ENTREP2: variants seen among roughly 807,000 people sequenced by gnomAD.
ENTREP2 encodes endosomal transmembrane epsin interactor 2.
At chr15:29,392,058 G>A in the ENTREP2 span, among the ~76,000 whole-genome samples, 1 of 152,062 alleles carries the variant, frequency 6.6e-6, no homozygotes, top group African/African-American at 2.4e-5. Flanking sequence ...TCGATCTCCT[G>A]ACCTCGTGAT....
the ENTREP2 span, among the ~76,000 whole-genome samples, chr15:29,185,352 C>T: frequency 1.3e-5 from 2 of 152,148 alleles, no homozygotes; most frequent in South Asian, 2.1e-4. Context: ...CCTATCTTTC[C>T]TGCCTTTGCT....
the ENTREP2 span, chr15:29,136,358 G>A: frequency 1.3e-6 from 2 of 1,496,628 alleles, no homozygotes; most frequent in Admixed American, 2.5e-5. Flanking sequence ...TGGGGCCCCA[G>A]GCCTCACCTG....
chr15:29,589,547 T>C, the ENTREP2 span, among the ~76,000 whole-genome samples: 117 of 152,260 alleles, frequency 7.7e-4, no homozygotes, highest in Admixed American at 6.5e-3. Flanking sequence ...TTCCAGATGG[T>C]GCTTGACAAG....
At chr15:29,586,907 T>C in the ENTREP2 span, among the ~76,000 whole-genome samples, 2 of 152,194 alleles carry the variant, frequency 1.3e-5, no homozygotes, top group African/African-American at 2.4e-5. Flanking sequence ...CAATTGATTC[T>C]GGTAGTATTA....
At chr15:29,145,313 C>T in the ENTREP2 span, among the ~76,000 whole-genome samples, 1 of 152,124 alleles carries the variant, frequency 6.6e-6, no homozygotes, top group African/African-American at 2.4e-5. Context: ...CAAAATCCAA[C>T]TTTCTTTTTG....
chr15:29,130,550 T>TA, the ENTREP2 span, among the ~76,000 whole-genome samples: 3 of 152,150 alleles, frequency 2.0e-5, no homozygotes, highest in Admixed American at 2.0e-4. Context: ...CTTCTGGTAA[T>TA]AAAGAAATAT....
At chr15:29,400,386 T>G in the ENTREP2 span, among the ~76,000 whole-genome samples, 1 of 152,176 alleles carries the variant, frequency 6.6e-6, no homozygotes, top group Non-Finnish European at 1.5e-5. Context: ...CTTAAACATC[T>G]ACTGGGGAAC....
At chr15:29,326,818 TA>T in the ENTREP2 span, among the ~76,000 whole-genome samples, 1 of 151,836 alleles carries the variant, frequency 6.6e-6, no homozygotes, top group Non-Finnish European at 1.5e-5. Flanking sequence ...AGATTTACAA[TA>T]AAAATAGTAT....
the ENTREP2 span, among the ~76,000 whole-genome samples, chr15:29,648,951 C>T: frequency 3.3e-5 from 5 of 150,000 alleles, no homozygotes; most frequent in South Asian, 1.1e-3. Flanking sequence ...AAAAAAACAA[C>T]AACAAAAAAA....
the ENTREP2 span, among the ~76,000 whole-genome samples, chr15:29,602,012 C>T: frequency 6.6e-6 from 1 of 152,228 alleles, no homozygotes; most frequent in Non-Finnish European, 1.5e-5. Flanking sequence ...CAATGACTCA[C>T]AGTTAATATG....
the ENTREP2 span, among the ~76,000 whole-genome samples, chr15:29,622,979 C>A: frequency 1.3e-5 from 2 of 152,172 alleles, no homozygotes; most frequent in African/African-American, 2.4e-5. Flanking sequence ...AACACTTCCA[C>A]CCCAAACATC....
the ENTREP2 span, among the ~76,000 whole-genome samples, chr15:29,348,976 A>G: frequency 2.0e-4 from 31 of 152,264 alleles, no homozygotes; most frequent in African/African-American, 5.8e-4. Context: ...TTTGATAACC[A>G]TAACTCAAAT....
the ENTREP2 span, among the ~76,000 whole-genome samples, chr15:29,282,484 T>C: frequency 6.6e-6 from 1 of 152,206 alleles, no homozygotes. Context: ...ATGCCTGTCC[T>C]CAGTGAGTGG....
chr15:29,586,227 G>T, the ENTREP2 span, among the ~76,000 whole-genome samples: 1 of 152,044 alleles, frequency 6.6e-6, no homozygotes, highest in Non-Finnish European at 1.5e-5. Context: ...AAAAGGCCAC[G>T]ATTCTATTGG....
the ENTREP2 span, chr15:29,123,096 T>A: frequency 2.0e-6 from 1 of 489,268 alleles, no homozygotes; most frequent in Non-Finnish European, 3.6e-6. Flanking sequence ...GACGTGAAAG[T>A]CATCTTTCCG....
chr15:29,437,697 A>G, the ENTREP2 span, among the ~76,000 whole-genome samples: 2 of 152,332 alleles, frequency 1.3e-5, no homozygotes, highest in African/African-American at 4.8e-5. Flanking sequence ...ATGTGCTTGA[A>G]TTTCCAAAGT....
the ENTREP2 span, among the ~76,000 whole-genome samples, chr15:29,466,469 CCCAGGGGAGGGT>C: frequency 6.9e-6 from 1 of 144,444 alleles, no homozygotes; most frequent in Non-Finnish European, 1.5e-5. Context: ...TGCTGATGGC[CCCAGGGGAGGGT>C]CCAGGGGAGG....
chr15:29,253,609 A>AT, the ENTREP2 span, among the ~76,000 whole-genome samples: 1 of 151,846 alleles, frequency 6.6e-6, no homozygotes, highest in Non-Finnish European at 1.5e-5. Flanking sequence ...CACCCAGCTA[A>AT]TTTTTGTATT....
chr15:29,420,914 C>T, the ENTREP2 span, among the ~76,000 whole-genome samples: 1 of 152,268 alleles, frequency 6.6e-6, no homozygotes, highest in East Asian at 1.9e-4. Context: ...GCCCTCTGCC[C>T]CTGCAGCATC....
Sources: allele counts gnomAD v4.1 joint callset (sites outside exome capture counted in the v4.1 genomes callset), GRCh38; gene constraint gnomAD v4.1.1; transcripts MANE v1.5; gene names NCBI Gene and HGNC (gene_info 2026-07-23, HGNC 2026-07-21).